Variants in CACNB2 observed in about 807,000 individuals in gnomAD.
The protein encoded by CACNB2 is calcium voltage-gated channel auxiliary subunit beta 2.
Under a neutral mutation model 73.3 loss-of-function variants are expected in CACNB2, and 42 were observed. The ratio of observed to expected loss-of-function variants is 0.57; its 90% CI spans 0.45 to 0.74. CACNB2 has a LOEUF of 0.74. Ranked by LOEUF, CACNB2 falls within the 30% of genes least tolerant of loss-of-function variation. The pLI is 0.00. For synonymous variants in CACNB2, 348 were observed against 310.3 expected, an observed-to-expected ratio of 1.12 and a Z score of -1.28; for missense variants, 940 against 853.0, an observed-to-expected ratio of 1.10 and a Z score of -1.27.
chr10:18,315,223 A>G (rs1267946010), intron 2 of CACNB2, among the ~76,000 whole-genome samples: 1 of 152,082 alleles, frequency 6.6e-6, no homozygotes, highest in Non-Finnish European at 1.5e-5. Flanking sequence ...AATCCCAGCT[A>G]CTTGGGAGGC....
intron 2 of CACNB2, among the ~76,000 whole-genome samples, chr10:18,158,882 C>A (rs996070536): frequency 2.0e-5 from 3 of 152,038 alleles, no homozygotes; most frequent in Non-Finnish European, 4.4e-5. Flanking sequence ...TTGATGCTGC[C>A]AAGGTCAGGG....
At chr10:18,400,387 A>G (rs1020386327) in intron 2 of CACNB2, among the ~76,000 whole-genome samples, 1 of 152,220 alleles carries the variant, frequency 6.6e-6, no homozygotes, top group African/African-American at 2.4e-5. Context: ...ACAGAAACAG[A>G]CACACATACC....
intron 3 of CACNB2, among the ~76,000 whole-genome samples, chr10:18,432,679 T>C (rs1422494426): frequency 6.6e-6 from 1 of 151,630 alleles, no homozygotes; most frequent in Non-Finnish European, 1.5e-5. Context: ...ACAAAAAAAA[T>C]ACAAAAACTA....
At chr10:18,392,112 A>C (rs575866530) in intron 2 of CACNB2, among the ~76,000 whole-genome samples, 5 of 152,036 alleles carry the variant, frequency 3.3e-5, no homozygotes, top group Non-Finnish European at 7.4e-5. Context: ...GAAGGGTAGA[A>C]ATCTAGGGGA....
chr10:18,501,468 C>T (rs1238510482), intron 5 of CACNB2, among the ~76,000 whole-genome samples: 1 of 152,172 alleles, frequency 6.6e-6, no homozygotes, highest in African/African-American at 2.4e-5. Flanking sequence ...GTTAAAACTG[C>T]CTGTGCAGAT....
intron 3 of CACNB2, among the ~76,000 whole-genome samples, chr10:18,448,479 T>TAAAAAAAAAAA (rs56255761): frequency 1.2e-4 from 13 of 107,018 alleles, no homozygotes; most frequent in Non-Finnish European, 1.5e-4. Context: ...CTCTCTCATT[T>TAAAAAAAAAAA]AAAAAAAAAA....
intron 2 of CACNB2, among the ~76,000 whole-genome samples, chr10:18,340,328 C>T (rs941541574): frequency 9.2e-5 from 14 of 152,192 alleles, no homozygotes; most frequent in East Asian, 1.9e-4. Flanking sequence ...TTAGATTTTC[C>T]ATACACACTG....
At chr10:18,524,032 ATCC>A (rs531917541) in intron 9 of CACNB2, among the ~76,000 whole-genome samples, 7 of 152,020 alleles carry the variant, frequency 4.6e-5, no homozygotes, top group African/African-American at 1.4e-4. Context: ...GAAATAAATC[ATCC>A]TCCTCCTCCT....
At chr10:18,236,241 G>A (rs2482109) in intron 2 of CACNB2, among the ~76,000 whole-genome samples, 129,821 of 152,136 alleles carry the variant, frequency 0.85, 55,756 homozygotes, top group African/African-American at 0.94. Context: ...ATGCCGTTCT[G>A]TCACTCTGTC....
At chr10:18,351,820 G>C (rs776620621) in intron 2 of CACNB2, among the ~76,000 whole-genome samples, 3 of 152,214 alleles carry the variant, frequency 2.0e-5, no homozygotes, top group Non-Finnish European at 1.5e-5. Context: ...CTTTTAAAGT[G>C]TGATTTCTAT....
At chr10:18,415,185 C>T (rs2044874252) in intron 3 of CACNB2, among the ~76,000 whole-genome samples, 1 of 152,140 alleles carries the variant, frequency 6.6e-6, no homozygotes, top group South Asian at 2.1e-4. Flanking sequence ...GCACTGTAGG[C>T]TTGGCATGGT....
intron 2 of CACNB2, among the ~76,000 whole-genome samples, chr10:18,372,466 G>T (rs958475759): frequency 6.6e-6 from 1 of 152,130 alleles, no homozygotes; most frequent in Non-Finnish European, 1.5e-5. Flanking sequence ...AGAGTGCAAC[G>T]GAGTATCTCG....
chr10:18,533,729 G>A (rs965520557), intron 10 of CACNB2, among the ~76,000 whole-genome samples: 16 of 152,158 alleles, frequency 1.1e-4, no homozygotes, highest in South Asian at 2.1e-4. Flanking sequence ...ATGAACACAC[G>A]GAAGATATGT....
chr10:18,421,723 C>T (rs2045334601), intron 3 of CACNB2, among the ~76,000 whole-genome samples: 1 of 152,154 alleles, frequency 6.6e-6, no homozygotes, highest in Non-Finnish European at 1.5e-5. Flanking sequence ...AACAGCTTGG[C>T]TTATATTTCC....
chr10:18,325,611 TCTTTC>T (rs2040554617), intron 2 of CACNB2, among the ~76,000 whole-genome samples: 1 of 151,824 alleles, frequency 6.6e-6, no homozygotes, highest in Non-Finnish European at 1.5e-5. Context: ...CTTTTTTCTT[TCTTTC>T]CTTTCTCTTT....
chr10:18,358,903 T>C (rs1589133461), intron 2 of CACNB2, among the ~76,000 whole-genome samples: 2 of 152,338 alleles, frequency 1.3e-5, no homozygotes, highest in South Asian at 4.1e-4. Context: ...TTGTTGCTGC[T>C]GTTCTTTTCA....
chr10:18,397,949 C>A lies in CACNB2; in HGVS notation c.214-3975C>A, dbSNP rs564550213. On this transcript the variant is annotated intron_variant, in intron 2 of 13. Coordinates refer to ENST00000324631, the MANE Select transcript of CACNB2 (RefSeq NM_201596.3). ...GGTATTAAGATGTAGAAAAGGAAAT[C>A]TGGGTAGCTGAAATGTGATGCACTG... Among the ~76,000 whole-genome samples, 7 of 152,174 alleles carry A rather than the reference C, an allele frequency of 4.6e-5. No individual in the cohort carries two copies. In the South Asian group the frequency reaches 1.5e-3, roughly 32 times the overall value.
rs373832476 is a variant in CACNB2, at chr10:18,424,514, CT to C, written c.333+22472del. ...GTGTCTGATTGAAAGCTGCTTTCCC[CT>C]GGGCCCTGTTTTAACTAGTCCTCAG... On this transcript the variant is annotated intron_variant, in intron 3 of 13. Transcript: ENST00000324631. Among the ~76,000 whole-genome samples, 3 of 152,296 alleles carry C rather than the reference CT, an allele frequency of 2.0e-5. No individual in the cohort carries two copies. The South Asian group carries it at 6.2e-4, about 32-fold the overall frequency.
rs1346826747 is a variant in CACNB2 at position 18,140,538 on chromosome 10, C to T, written c.-199C>T. The T allele has an allele frequency of 8.8e-6, 3 of 340,328 alleles. No homozygotes were observed. Among genetic ancestry groups the T allele is most frequent in the African/African-American group, 2.2e-5 (1 of 46,186 alleles). 21.1% of individuals were successfully genotyped at this position (340,328 alleles called of 1,614,324 possible). On this transcript the variant is annotated 5_prime_UTR_variant, in exon 1 of 14. Transcript: ENST00000324631. ...CCCGAGCGGCTCGCTTCGCCCGATGCCCCGGCCCCGTCCCGCGCACTGAGC... is the reference window on the plus strand; with the variant it reads ...CCCGAGCGGCTCGCTTCGCCCGATGTCCCGGCCCCGTCCCGCGCACTGAGC...
Sources: allele counts gnomAD v4.1 joint callset (sites outside exome capture counted in the v4.1 genomes callset), GRCh38; gene constraint gnomAD v4.1.1; transcripts MANE v1.5; gene names NCBI Gene and HGNC (gene_info 2026-07-23, HGNC 2026-07-21).